The following DEPDC5 variants were observed in gnomAD, a reference collection of about 807,000 sequenced individuals.
DEPDC5 encodes DEP domain containing 5, GATOR1 subcomplex subunit, also known as GATOR1 complex protein DEPDC5.
In DEPDC5, 73 loss-of-function variants were observed where a neutral mutation model predicts 217.3. The observed-to-expected ratio is 0.34, with a 90% CI of 0.28 to 0.41. The LOEUF is 0.41. Among genes scored for constraint, DEPDC5 ranks in the 10% least tolerant of loss-of-function variants. DEPDC5 has a pLI of 1.00. For synonymous variants in DEPDC5, 733 were observed against 756.7 expected (o/e 0.97, Z 0.51); for missense variants, 1,675 against 2,070.1 (o/e 0.81, Z 3.70).
At chr22:31,885,011 C>T (rs763311337) in intron 38 of DEPDC5, among the ~76,000 whole-genome samples, 9 of 152,142 alleles carry the variant, frequency 5.9e-5, no homozygotes, top group South Asian at 4.1e-4. Flanking sequence ...GATCGTGGTT[C>T]GAGCCACCTT....
intron 38 of DEPDC5, among the ~76,000 whole-genome samples, chr22:31,882,779 CCTCTT>C (rs945509321): frequency 2.8e-4 from 43 of 151,454 alleles, no homozygotes; most frequent in African/African-American, 7.0e-4. Context: ...TCTTCTTTCT[CCTCTT>C]CTCTTCTCTT....
Position 31,861,860 on chromosome 22 carries a change from T to C in DEPDC5, c.3330+427T>C, listed in dbSNP as rs181355544. On this transcript the variant is annotated intron_variant, in intron 33 of 42. Transcript: ENST00000651528. ...AAGTGGTGAAAAAACACAGCAAATA[T>C]TTATTCATAGGCATGTGCTAATGCA... 1.6e-4 allele frequency among the ~76,000 whole-genome samples: 24 copies of C among 152,346 alleles called. No individual in the cohort carries two copies. The East Asian group carries it at 4.6e-3, about 29-fold the overall frequency.
chr22:31,843,648 T>C lies in DEPDC5; in HGVS notation c.2637T>C (p.Tyr879=), dbSNP rs2091534489. The part of the protein sequence containing the change: ...MITVTRYLPK[Y]PYESAQIHYT... Reference sequence around the variant, plus strand: ...GGACCTGCCCTTTATTTTGCAGGTATCCTTATGAATCTGCCCAGATCCACT... The same window carrying C: ...GGACCTGCCCTTTATTTTGCAGGTACCCTTATGAATCTGCCCAGATCCACT... The change falls in exon 29 of 43, where the codon TAT becomes TAC. Residue 879 remains tyrosine, a synonymous_variant. Coordinates refer to ENST00000651528, the MANE Select transcript of DEPDC5 (RefSeq NM_001242896.3). 1 of 1,592,252 alleles carries C rather than the reference T, an allele frequency of 6.3e-7. No homozygotes were observed. The highest frequency in any genetic ancestry group is 2.3e-5 in the East Asian group (1 of 44,240).
intron 7 of DEPDC5, among the ~76,000 whole-genome samples, chr22:31,773,403 A>G (rs1288014289): frequency 1.3e-5 from 2 of 152,060 alleles, no homozygotes; most frequent in African/African-American, 2.4e-5. Context: ...GGGTCTCACT[A>G]TGTTCCTCAG....
In DEPDC5 at chr22:31,841,405, C is replaced by T. The variant is rs541632869; in HGVS notation, c.2516-1690C>T. On this transcript the variant is annotated intron_variant, in intron 27 of 42. Transcript: ENST00000651528. The stretch of plus-strand genomic sequence containing the variant: ...TGGAAGGTGTCCAGGTTCTTGGCAC[C>T]TCAAAGAGTTGGACAAAATGCACAA... Among the ~76,000 whole-genome samples the T allele has an allele frequency of 4.6e-5, 7 of 152,260 alleles. No homozygotes were observed. In the South Asian group the frequency reaches 8.3e-4, roughly 18 times the overall value.
intron 7 of DEPDC5, chr22:31,769,064 T>C (rs1439241355): frequency 6.2e-6 from 3 of 483,746 alleles, no homozygotes; most frequent in Non-Finnish European, 1.1e-5. Context: ...ATCAGGACCA[T>C]ACTGGCTAAC....
chr22:31,769,259 C>CAA (rs5844955), intron 7 of DEPDC5: 45 of 66,608 alleles, frequency 6.8e-4, no homozygotes, highest in African/African-American at 1.6e-3. Context: ...AACTCCGTCT[C>CAA]AAAAAAAAAA....
intron 33 of DEPDC5, among the ~76,000 whole-genome samples, chr22:31,864,254 A>G (rs1166534379): frequency 2.6e-5 from 4 of 151,252 alleles, no homozygotes; most frequent in South Asian, 2.1e-4. Flanking sequence ...GATTACAGGC[A>G]TGCACCACCA....
chr22:31,858,398 C>G (rs1344055692), intron 32 of DEPDC5: 1 of 152,212 alleles, frequency 6.6e-6, no homozygotes, highest in Non-Finnish European at 1.5e-5. Context: ...TTGGCTCTGT[C>G]AGCTCCTTCT....
intron 36 of DEPDC5, among the ~76,000 whole-genome samples, chr22:31,875,043 G>A (rs760691549): frequency 5.9e-5 from 9 of 152,180 alleles, no homozygotes; most frequent in Non-Finnish European, 1.0e-4. Flanking sequence ...AATGGGAAAC[G>A]GCCAGTTGAC....
intron 31 of DEPDC5, among the ~76,000 whole-genome samples, chr22:31,856,291 C>A (rs1243919329): frequency 2.0e-5 from 3 of 152,124 alleles, no homozygotes; most frequent in African/African-American, 7.2e-5. Context: ...CTGGGGCTGT[C>A]CCTGAAGGGG....
At chr22:31,880,761 A>G (rs1193267413) in intron 38 of DEPDC5, among the ~76,000 whole-genome samples, 2 of 152,164 alleles carry the variant, frequency 1.3e-5, no homozygotes, top group Non-Finnish European at 2.9e-5. Context: ...TAGATGGCTC[A>G]TGCCTGTAAT....
In DEPDC5 at chr22:31,806,100, ACT is replaced by A. The variant is rs765743880; in HGVS notation, c.1218-19_1218-18del. The stretch of plus-strand genomic sequence containing the variant: ...AAAATAAAGGGAATTTAGATTAATG[ACT>A]CTGTTTGTTTCTTTTACAGTTTCTA... On this transcript the variant is annotated intron_variant, in intron 17 of 42. Coordinates refer to ENST00000651528, the MANE Select transcript of DEPDC5 (RefSeq NM_001242896.3). The A allele has an allele frequency of 2.5e-6, 4 of 1,597,068 alleles. No homozygotes were observed. Among genetic ancestry groups the A allele is most frequent in the Non-Finnish European group, 3.4e-6 (4 of 1,167,198 alleles).
At chr22:31,815,291 A>G (rs2088939414) in intron 21 of DEPDC5, 79 bp downstream of exon 21, 1 of 1,489,782 alleles carries the variant, frequency 6.7e-7, no homozygotes, top group African/African-American at 1.4e-5. Flanking sequence ...AGGATTGGTC[A>G]GAGGTGGGGT....
intron 3 of DEPDC5, among the ~76,000 whole-genome samples, 169 bp downstream of exon 3, chr22:31,758,802 C>T (rs1242835855): frequency 1.3e-5 from 2 of 151,734 alleles, no homozygotes; most frequent in Admixed American, 6.6e-5. Flanking sequence ...CCCGGGAGTT[C>T]GAGACCAGCC....
At chr22:31,879,408 T>TG in intron 37 of DEPDC5, 117 bp from the exon 38 acceptor site, 1 of 914,168 alleles carries the variant, frequency 1.1e-6, no homozygotes, top group Admixed American at 2.2e-5. Flanking sequence ...TATGTGGCCT[T>TG]GTGTGTCGGC....
At chr22:31,882,577 G>A (rs2093205612) in intron 38 of DEPDC5, among the ~76,000 whole-genome samples, 1 of 152,228 alleles carries the variant, frequency 6.6e-6, no homozygotes, top group Non-Finnish European at 1.5e-5. Flanking sequence ...TTTCTTGGAA[G>A]TGTGTTTACA....
chr22:31,764,923 G>C, intron 4 of DEPDC5, 52 bp from the exon 5 acceptor site: 1 of 1,375,040 alleles, frequency 7.3e-7, no homozygotes, highest in Non-Finnish European at 1.0e-6. Flanking sequence ...AGAATATATG[G>C]ATCTGCTTTT....
chr22:31,850,530 G>C (rs968261769), intron 31 of DEPDC5, among the ~76,000 whole-genome samples: 1 of 152,154 alleles, frequency 6.6e-6, no homozygotes, highest in Non-Finnish European at 1.5e-5. Context: ...AAAAAACATA[G>C]TACATACAGG....
Sources: allele counts gnomAD v4.1 joint callset (sites outside exome capture counted in the v4.1 genomes callset), GRCh38; gene constraint gnomAD v4.1.1; transcripts MANE v1.5; gene names NCBI Gene and HGNC (gene_info 2026-07-23, HGNC 2026-07-21).